Variants in VANGL1 observed in about 807,000 individuals in gnomAD.
VANGL1 encodes the protein VANGL planar cell polarity protein 1.
A neutral mutation model predicts 48.4 loss-of-function variants in VANGL1; 18 were observed. That is an observed-to-expected ratio of 0.37 (90% CI 0.26 to 0.55). The LOEUF is 0.55. VANGL1 is among the 20% of genes least tolerant of loss of function. VANGL1 has a pLI of 0.81. For missense variants in VANGL1, 667 were observed against 675.8 expected (o/e 0.99, Z 0.14); for synonymous variants, 257 against 261.8 (o/e 0.98, Z 0.18).
chr1:115,676,066 C>T (rs1162853751), intron 4 of VANGL1, among the ~76,000 whole-genome samples: 1 of 152,176 alleles, frequency 6.6e-6, no homozygotes, highest in African/African-American at 2.4e-5. Flanking sequence ...TTGTACAATG[C>T]ATTATAGTTT....
At position 115,651,482 on chromosome 1, in the gene VANGL1, A is replaced by G. The variant is rs774497976; in HGVS notation, c.69A>G (p.Gln23=). The G allele has an allele frequency of 8.7e-6, 14 of 1,613,448 alleles. No homozygotes were observed. In the East Asian group the frequency reaches 2.7e-4, roughly 31 times the overall value. The change falls in exon 2 of 8, where the codon CAA becomes CAG. Residue 23 remains glutamine (Q), a splice_region_variant and synonymous_variant. Coordinates refer to ENST00000355485, the MANE Select transcript of VANGL1 (RefSeq NM_138959.3). The part of the protein sequence containing the change: ...YSSHSKKSHR[Q]GERTRERHKS... The stretch of plus-strand genomic sequence containing the variant: ...GTCATTCGAAAAAATCTCACAGACA[A>G]GGGTATGTAAGTTGTTCATTATTAC...
chr1:115,670,658 G>C (rs113869530), intron 4 of VANGL1, among the ~76,000 whole-genome samples: 1 of 152,132 alleles, frequency 6.6e-6, no homozygotes, highest in African/African-American at 2.4e-5. Flanking sequence ...GAGCACCAAC[G>C]GTCTCTGAGA....
At chr1:115,680,729 CA>C (rs1653353565) in intron 4 of VANGL1, among the ~76,000 whole-genome samples, 2 of 151,414 alleles carry the variant, frequency 1.3e-5, no homozygotes. Flanking sequence ...CAAGGGGAGC[CA>C]AATGGGTGGG....
intron 4 of VANGL1, among the ~76,000 whole-genome samples, chr1:115,676,435 G>A (rs780724022): frequency 2.0e-5 from 3 of 152,198 alleles, no homozygotes; most frequent in Non-Finnish European, 2.9e-5. Context: ...GAGGAGGTTG[G>A]TACAGGCGCA....
chr1:115,687,705 CTGTGTGTGTGTGTG>C (rs56094677), intron 7 of VANGL1, among the ~76,000 whole-genome samples: 9,028 of 112,844 alleles, frequency 0.08, 1,733 homozygotes, highest in Admixed American at 0.15. Flanking sequence ...CTCTCTTTCT[CTGTGTGTGTGTGTG>C]TGTGTGTGTG....
At chr1:115,655,098 G>C (rs927098140) in intron 2 of VANGL1, among the ~76,000 whole-genome samples, 1 of 152,206 alleles carries the variant, frequency 6.6e-6, no homozygotes, top group South Asian at 2.1e-4. Flanking sequence ...CTGCTTCAGA[G>C]TCTGTGTGTC....
At position 115,659,725 on chromosome 1, in the gene VANGL1, T is replaced by G; in HGVS notation, c.156T>G (p.Thr52=). The G allele has an allele frequency of 6.2e-7, 1 of 1,614,112 alleles. No individual in the cohort carries two copies. The highest frequency in any genetic ancestry group is 8.5e-7 in the Non-Finnish European group (1 of 1,180,018). The part of the protein sequence containing the change: ...SEKSVTIQPP[T]GEPLLGNDST... The stretch of plus-strand genomic sequence containing the variant: ...AGTCTGTCACCATTCAACCTCCCAC[T>G]GGAGAGCCCCTGTTGGGAAATGATT... The change falls in exon 3 of 8, where the codon ACT becomes ACG. Residue 52 remains threonine (T), a synonymous_variant. Transcript: ENST00000355485.
Position 115,659,626 on chromosome 1 carries a change from A to T in VANGL1, c.72-15A>T. On this transcript the variant is annotated splice_polypyrimidine_tract_variant and intron_variant, in intron 2 of 7. Transcript: ENST00000355485. ...TAACATGGCATAAATGTGCTAGCTC[A>T]TTGTTGTTTTTCAGGGAAAGAACTA... 1 of 1,613,638 alleles carries T rather than the reference A, an allele frequency of 6.2e-7. No individual in the cohort carries two copies. The highest frequency in any genetic ancestry group is 8.5e-7 in the Non-Finnish European group (1 of 1,179,846).
At position 115,689,430 on chromosome 1, in the gene VANGL1, G is replaced by A. The variant is rs1435104793; in HGVS notation, c.1315-1689G>A. ...GTCAATCACCTGAGGTCAGGAGTTCGAGACCAGCTTGGCCCACATGGTGAA... is the reference window on the plus strand; with the variant it reads ...GTCAATCACCTGAGGTCAGGAGTTCAAGACCAGCTTGGCCCACATGGTGAA... On this transcript the variant is annotated intron_variant, in intron 7 of 7. Transcript: ENST00000355485. Among the ~76,000 whole-genome samples, 7 of 135,744 alleles carry A rather than the reference G, an allele frequency of 5.2e-5. 1 individual carries two copies. The East Asian group carries it at 6.3e-4, about 12-fold the overall frequency. 89.1% of individuals were successfully genotyped at this position (135,744 alleles called of 152,430 possible). A position where few individuals can be genotyped will look rare whatever the true frequency, so the allele number is the denominator to read the frequency against.
chr1:115,642,880 G>A (rs1374699726), intron 1 of VANGL1, among the ~76,000 whole-genome samples: 3 of 152,230 alleles, frequency 2.0e-5, no homozygotes, highest in Non-Finnish European at 4.4e-5. Context: ...CTAGAGAAGT[G>A]TGAAGCTTTA....
chr1:115,684,498 C>T (rs991607839), intron 6 of VANGL1, among the ~76,000 whole-genome samples: 2 of 152,152 alleles, frequency 1.3e-5, no homozygotes, highest in African/African-American at 4.8e-5. Flanking sequence ...TGTTTAAAAA[C>T]ATGACCTGCT....
At chr1:115,681,841 T>A (rs1653407261) in intron 4 of VANGL1, among the ~76,000 whole-genome samples, 1 of 152,172 alleles carries the variant, frequency 6.6e-6, no homozygotes, top group South Asian at 2.1e-4. Flanking sequence ...CCTGGATGGC[T>A]GCAGTTGTTC....
chr1:115,685,327 A>C lies in VANGL1; in HGVS notation c.1114A>C (p.Ile372Leu). 1 of 1,614,174 alleles carries C rather than the reference A, an allele frequency of 6.2e-7. No homozygotes were observed. Among genetic ancestry groups the C allele is most frequent in the Non-Finnish European group, 8.5e-7 (1 of 1,180,030 alleles). ...VVAVEEAFIH[I>L]QRLQAEEQQK... ...TGCAGTGGAAGAGGCCTTCATCCAC[A>C]TTCAGCGTCTCCAGGCTGAGGAGCA... is the stretch of plus-strand genomic sequence containing the variant. The change falls in exon 7 of 8, where the codon ATT becomes CTT. Residue 372 changes from isoleucine (I) to leucine (L), a missense_variant. Physicochemically the swap from Ile to Leu is conservative, Grantham distance 5 (BLOSUM62 2). Transcript: ENST00000355485.
Position 115,666,524 on chromosome 1 carries a change from T to A in VANGL1, c.812+2256T>A, listed in dbSNP as rs371721264. On this transcript the variant is annotated intron_variant, in intron 4 of 7. Coordinates refer to ENST00000355485, the MANE Select transcript of VANGL1 (RefSeq NM_138959.3). The stretch of plus-strand genomic sequence containing the variant: ...GATTGTGCTGCATGGCTCCCAGGCT[T>A]GCTGCAAACCTTTCAGTCTGCTCTT... Among the ~76,000 whole-genome samples, 9 of 152,284 alleles carry A rather than the reference T, an allele frequency of 5.9e-5. No homozygotes were observed. In the South Asian group the frequency reaches 1.9e-3, roughly 32 times the overall value.
intron 1 of VANGL1, among the ~76,000 whole-genome samples, chr1:115,643,881 G>T (rs1284333881): frequency 6.6e-6 from 1 of 152,124 alleles, no homozygotes; most frequent in Non-Finnish European, 1.5e-5. Flanking sequence ...TGCTACCCTA[G>T]GCCTTATCAG....
In VANGL1 at chr1:115,696,126, G is replaced by T. The variant is rs1007978853; in HGVS notation, c.*4747G>T. On this transcript the variant is annotated 3_prime_UTR_variant, in exon 8 of 8. Transcript: ENST00000355485. Reference sequence around the variant, plus strand: ...GGCAGCCCCCCTTTGCTTTTGCCTGGCCCCACCTTCTGCTCCCACTCTGCT... The same window carrying T: ...GGCAGCCCCCCTTTGCTTTTGCCTGTCCCCACCTTCTGCTCCCACTCTGCT... The T allele has an allele frequency of 1.3e-5, 2 of 152,630 alleles. No individual in the cohort carries two copies. The highest frequency in any genetic ancestry group is 2.9e-5 in the Non-Finnish European group (2 of 68,396). 9.5% of individuals were successfully genotyped at this position (152,630 alleles called of 1,614,324 possible). A position where few individuals can be genotyped will look rare whatever the true frequency, so the allele number is the denominator to read the frequency against.
At chr1:115,668,785 C>T (rs1570756006) in intron 4 of VANGL1, among the ~76,000 whole-genome samples, 2 of 152,082 alleles carry the variant, frequency 1.3e-5, no homozygotes, top group Non-Finnish European at 2.9e-5. Context: ...TTGTTGTTTC[C>T]TCATTAGGGT....
chr1:115,642,433 G>T (rs549617805), intron 1 of VANGL1, among the ~76,000 whole-genome samples: 319 of 152,132 alleles, frequency 2.1e-3, no homozygotes, highest in Non-Finnish European at 3.9e-3. Context: ...TTTGGAGTGC[G>T]CCCCTTCGGT....
At chr1:115,666,980 A>G (rs1652816599) in intron 4 of VANGL1, among the ~76,000 whole-genome samples, 1 of 152,228 alleles carries the variant, frequency 6.6e-6, no homozygotes, top group Non-Finnish European at 1.5e-5. Context: ...TTACTAGGCC[A>G]GAAATACAAC....
Sources: allele counts gnomAD v4.1 joint callset (sites outside exome capture counted in the v4.1 genomes callset), GRCh38; gene constraint gnomAD v4.1.1; transcripts MANE v1.5; gene names NCBI Gene and HGNC (gene_info 2026-07-23, HGNC 2026-07-21).